The following FSTL5 variants were observed in gnomAD, a reference collection of about 807,000 sequenced individuals.
The protein encoded by FSTL5 is follistatin-related protein 5.
In FSTL5, 62 loss-of-function variants were observed where a neutral mutation model predicts 89.1. The ratio of observed to expected loss-of-function variants is 0.70; its 90% CI spans 0.57 to 0.86. The LOEUF (loss-of-function observed/expected upper bound fraction) is 0.86, where lower values mean the gene tolerates loss of function less well. Among genes scored for constraint, FSTL5 ranks in the 40% least tolerant of loss-of-function variants. The probability of loss-of-function intolerance (pLI) is 0.00; values close to 1 mark genes in which losing one functional copy is unlikely to be tolerated. For synonymous variants in FSTL5, 383 were observed against 346.2 expected, an observed-to-expected ratio of 1.11 and a Z score of -1.18; for missense variants, 1,057 against 1,001.6, an observed-to-expected ratio of 1.06 and a Z score of -0.75.
chr4:161,952,056 T>C (rs1183059897), intron 3 of FSTL5, among the ~76,000 whole-genome samples: 2 of 151,992 alleles, frequency 1.3e-5, no homozygotes, highest in Admixed American at 1.3e-4. Context: ...ATAATATGAT[T>C]AAAAATAATC....
In FSTL5 at chr4:161,455,078, T is replaced by C. The variant is rs1733304644; in HGVS notation, c.1767A>G (p.Gln589=). 6.2e-7 allele frequency: 1 copy of C among 1,613,482 alleles called. No homozygotes were observed. Among genetic ancestry groups the C allele is most frequent in the Non-Finnish European group, 8.5e-7 (1 of 1,179,646 alleles). Residue 589 remains glutamine (Q), a synonymous_variant, in exon 15 of 16, where the codon CAA becomes CAG. Transcript: ENST00000306100. The stretch of plus-strand genomic sequence containing the variant: ...CTCTGTCAAATTGCTTTCCCACTGG[T>C]TGGGTGTGGATCGTGTGGTGAGGCA... The part of the protein sequence containing the change: ...GNVPHHTIHT[Q]PVGKQFDRVD...
chr4:161,696,200 A>G (rs1738160097), intron 6 of FSTL5, among the ~76,000 whole-genome samples: 2 of 152,116 alleles, frequency 1.3e-5, no homozygotes, highest in Non-Finnish European at 2.9e-5. Context: ...ACTCAACACC[A>G]TTTGTTGAAT....
rs530556021 is a variant in FSTL5, at chr4:161,867,260, T to G, written c.409+53144A>C. On this transcript the variant is annotated intron_variant, in intron 4 of 15. Transcript: ENST00000306100. ...TCTTGAAATTGGCTTTTAACTGAAA[T>G]TACTTCTCTAAATAAACTATATACT... 5.3e-5 allele frequency among the ~76,000 whole-genome samples: 8 copies of G among 152,116 alleles called. No individual in the cohort carries two copies. The South Asian group carries it at 1.7e-3, about 32-fold the overall frequency.
At chr4:162,139,454 C>CCACACA (rs140005000) in intron 1 of FSTL5, among the ~76,000 whole-genome samples, 1 of 149,702 alleles carries the variant, frequency 6.7e-6, no homozygotes, top group African/African-American at 2.5e-5. Context: ...ACACACACGC[C>CCACACA]CACACACACA....
chr4:161,768,115 A>G (rs1468098316), intron 5 of FSTL5, among the ~76,000 whole-genome samples: 2 of 152,116 alleles, frequency 1.3e-5, no homozygotes, highest in Non-Finnish European at 1.5e-5. Context: ...AGGAAATTGA[A>G]AAATATGAGG....
chr4:162,096,778 T>C (rs1730769626), intron 2 of FSTL5, among the ~76,000 whole-genome samples: 3 of 151,930 alleles, frequency 2.0e-5, no homozygotes, highest in African/African-American at 7.2e-5. Context: ...ATCTCCTATA[T>C]AACTATAAAT....
chr4:161,674,936 T>C (rs1737251314), intron 6 of FSTL5, among the ~76,000 whole-genome samples: 1 of 152,150 alleles, frequency 6.6e-6, no homozygotes, highest in Non-Finnish European at 1.5e-5. Context: ...AGAACCTCTC[T>C]TCCACATAGA....
At chr4:161,814,178 G>A (rs764644536) in intron 4 of FSTL5, among the ~76,000 whole-genome samples, 16 of 151,918 alleles carry the variant, frequency 1.1e-4, no homozygotes, top group African/African-American at 3.6e-4. Flanking sequence ...ACACAGAGAA[G>A]GATAAGAAAA....
Position 161,787,919 on chromosome 4 carries a change from T to C in FSTL5, c.410-11845A>G, listed in dbSNP as rs573492530. On this transcript the variant is annotated intron_variant, in intron 4 of 15. Transcript: ENST00000306100. ...TTTGCCTTTTCTCAAGTCACTTTTG[T>C]TGCAACTGAAAAGCATACAACTTAT... Among the ~76,000 whole-genome samples, 56 of 152,296 alleles carry C rather than the reference T, an allele frequency of 3.7e-4. 1 individual carries two copies. The South Asian group carries it at 0.011, about 31-fold the overall frequency.
intron 4 of FSTL5, among the ~76,000 whole-genome samples, chr4:161,876,724 A>G (rs753699872): frequency 3.3e-5 from 5 of 152,134 alleles, no homozygotes; most frequent in Non-Finnish European, 5.9e-5. Context: ...TGGGTGACAG[A>G]GAAAGATTCT....
intron 8 of FSTL5, among the ~76,000 whole-genome samples, chr4:161,543,399 G>C (rs560371272): frequency 6.6e-6 from 1 of 151,898 alleles, no homozygotes; most frequent in Admixed American, 6.6e-5. Flanking sequence ...ACAAAGACAA[G>C]TAAAAGAAAA....
chr4:161,539,307 A>T (rs988993407), intron 9 of FSTL5, among the ~76,000 whole-genome samples: 3 of 151,920 alleles, frequency 2.0e-5, no homozygotes, highest in Non-Finnish European at 4.4e-5. Context: ...AGGCAACGTA[A>T]TCAGTGTGGT....
intron 5 of FSTL5, among the ~76,000 whole-genome samples, chr4:161,760,516 G>A (rs1173253477): frequency 6.6e-6 from 1 of 151,904 alleles, no homozygotes; most frequent in East Asian, 1.9e-4. Flanking sequence ...AATAATTTCT[G>A]GCAAATCATT....
At chr4:161,428,132 G>A (rs1732226575) in intron 15 of FSTL5, among the ~76,000 whole-genome samples, 1 of 152,122 alleles carries the variant, frequency 6.6e-6, no homozygotes, top group Non-Finnish European at 1.5e-5. Flanking sequence ...CTCTGTCAGA[G>A]CAGAAAGCAA....
At chr4:161,933,054 C>A (rs1007490701) in intron 3 of FSTL5, among the ~76,000 whole-genome samples, 2 of 152,066 alleles carry the variant, frequency 1.3e-5, no homozygotes, top group Non-Finnish European at 2.9e-5. Context: ...GCTTTTATAT[C>A]CTGTGTAAAT....
chr4:161,759,352 T>C (rs1740696531), intron 6 of FSTL5, 59 bp downstream of exon 6: 7 of 1,502,248 alleles, frequency 4.7e-6, no homozygotes, highest in East Asian at 2.5e-5. Context: ...ATAGACCATA[T>C]TGTGTAAAGC....
intron 4 of FSTL5, among the ~76,000 whole-genome samples, chr4:161,913,189 G>A (rs896279195): frequency 1.3e-5 from 2 of 152,180 alleles, no homozygotes; most frequent in Non-Finnish European, 2.9e-5. Flanking sequence ...GCGGCTACAG[G>A]AATTTGTATA....
chr4:162,055,224 G>T (rs1738499514), intron 2 of FSTL5, among the ~76,000 whole-genome samples: 1 of 151,644 alleles, frequency 6.6e-6, no homozygotes, highest in African/African-American at 2.4e-5. Context: ...GCCTGGTTGT[G>T]AGATTTAAAA....
At chr4:161,651,764 G>A (rs1736351684) in intron 7 of FSTL5, among the ~76,000 whole-genome samples, 1 of 152,192 alleles carries the variant, frequency 6.6e-6, no homozygotes, top group Non-Finnish European at 1.5e-5. Flanking sequence ...CTATGTGACT[G>A]AAGATTAATT....
Sources: gnomAD v4.1 joint callset for allele counts (sites outside exome capture counted in the v4.1 genomes callset) on GRCh38, gnomAD v4.1.1 for gene constraint, MANE v1.5 for transcripts, NCBI Gene and HGNC (gene_info 2026-07-23, HGNC 2026-07-21) for gene names.